The following FNDC3A variants were observed in gnomAD, a reference collection of about 807,000 sequenced individuals.
FNDC3A encodes the protein fibronectin type III domain containing 3A, also known as fibronectin type-III domain-containing protein 3A.
Under a neutral mutation model 148.9 loss-of-function variants are expected in FNDC3A, and 32 were observed. The ratio of observed to expected loss-of-function variants is 0.21; its 90% CI spans 0.16 to 0.29. FNDC3A has a LOEUF of 0.29. Ranked by LOEUF, FNDC3A falls within the 10% of genes least tolerant of loss-of-function variation. FNDC3A has a pLI of 1.00. For synonymous variants in FNDC3A, 472 were observed against 473.6 expected (o/e 1.00, Z 0.04); for missense variants, 1,191 against 1,452.8 (o/e 0.82, Z 2.93).
chr13:49,006,151 GA>G lies in FNDC3A; in HGVS notation c.-38del, dbSNP rs764449475. The G allele has an allele frequency of 1.8e-6, 2 of 1,131,278 alleles. No individual in the cohort carries two copies. The highest frequency in any genetic ancestry group is 1.3e-6 in the Non-Finnish European group (1 of 755,278). 70.1% of individuals were successfully genotyped at this position (1,131,278 alleles called of 1,614,324 possible). A position where few individuals can be genotyped will look rare whatever the true frequency, so the allele number is the denominator to read the frequency against. ...AATGACTATATATGTTTGTTTTTCA[GA>G]ATTGGAGCGTTATTCAGTATATTAA... On this transcript the variant is annotated splice_region_variant and 5_prime_UTR_variant, in exon 2 of 26. Transcript: ENST00000492622.
At position 49,208,620 on chromosome 13, in the gene FNDC3A, G is replaced by T. The variant is rs1403567709; in HGVS notation, c.*1225G>T. ...GTGAGCTTGCATTTGTGAGTTATTG[G>T]ATGATCAGACTGAATTTTGTCAAGT... On this transcript the variant is annotated 3_prime_UTR_variant, in exon 26 of 26. Coordinates refer to ENST00000492622, the MANE Select transcript of FNDC3A (RefSeq NM_001079673.2). 6.6e-6 allele frequency: 1 copy of T among 152,594 alleles called. No homozygotes were observed. The highest frequency in any genetic ancestry group is 1.5e-5 in the Non-Finnish European group (1 of 68,040). 9.5% of individuals were successfully genotyped at this position (152,594 alleles called of 1,614,324 possible). A position where few individuals can be genotyped will look rare whatever the true frequency, so the allele number is the denominator to read the frequency against.
intron 2 of FNDC3A, among the ~76,000 whole-genome samples, chr13:49,040,850 T>A (rs1440938659): frequency 4.6e-5 from 7 of 152,236 alleles, no homozygotes; most frequent in Non-Finnish European, 7.3e-5. Flanking sequence ...TTACTTGGTT[T>A]ACAGGATTTT....
intron 1 of FNDC3A, among the ~76,000 whole-genome samples, chr13:48,991,962 T>C (rs1224999254): frequency 2.0e-5 from 3 of 152,242 alleles, no homozygotes; most frequent in Non-Finnish European, 2.9e-5. Context: ...AATAAAGTGT[T>C]GAATGTCTCG....
chr13:49,205,322 T>C (rs1399259189), intron 25 of FNDC3A, among the ~76,000 whole-genome samples: 1 of 152,224 alleles, frequency 6.6e-6, no homozygotes, highest in African/African-American at 2.4e-5. Context: ...TCATCTATTA[T>C]ATCCATAAGA....
At chr13:49,106,965 G>A (rs1002883997) in intron 3 of FNDC3A, among the ~76,000 whole-genome samples, 5 of 152,034 alleles carry the variant, frequency 3.3e-5, no homozygotes, top group African/African-American at 4.8e-5. Context: ...TTTTTTTGTA[G>A]GAAATTATTT....
chr13:49,066,447 G>A (rs923917707), intron 2 of FNDC3A, among the ~76,000 whole-genome samples: 1 of 152,152 alleles, frequency 6.6e-6, no homozygotes. Flanking sequence ...GAAGATATAT[G>A]TAATAGGCTT....
At chr13:49,109,319 T>G (rs1593600449) in intron 3 of FNDC3A, among the ~76,000 whole-genome samples, 1 of 152,232 alleles carries the variant, frequency 6.6e-6, no homozygotes, top group East Asian at 1.9e-4. Flanking sequence ...GCTATGATGT[T>G]GATTAACCTT....
chr13:49,151,970 G>T (rs979234758), intron 8 of FNDC3A, among the ~76,000 whole-genome samples: 14 of 152,148 alleles, frequency 9.2e-5, no homozygotes, highest in African/African-American at 3.4e-4. Context: ...TCTTAATCCA[G>T]TCTATCATTG....
chr13:49,081,253 A>G (rs555805215), intron 3 of FNDC3A, among the ~76,000 whole-genome samples: 16 of 152,168 alleles, frequency 1.1e-4, no homozygotes, highest in Non-Finnish European at 1.5e-4. Context: ...CTTTGGTGTG[A>G]TTCCATGCCA....
intron 3 of FNDC3A, among the ~76,000 whole-genome samples, chr13:49,099,744 A>G (rs1047859533): frequency 6.6e-6 from 1 of 152,142 alleles, no homozygotes; most frequent in African/African-American, 2.4e-5. Context: ...AATATGTAAC[A>G]TTTTTATAGT....
At chr13:49,184,640 G>A (rs1885472305) in intron 14 of FNDC3A, among the ~76,000 whole-genome samples, 1 of 152,140 alleles carries the variant, frequency 6.6e-6, no homozygotes. Flanking sequence ...TATAAAATGA[G>A]GGGTTTATAT....
chr13:48,984,507 G>T (rs572983981), intron 1 of FNDC3A, among the ~76,000 whole-genome samples: 6 of 152,250 alleles, frequency 3.9e-5, no homozygotes, highest in African/African-American at 1.2e-4. Flanking sequence ...TTCAGGAGAA[G>T]ATCCATAGAT....
rs74384944 is a variant in FNDC3A at position 49,021,260 on chromosome 13, G to A, written c.99+14971G>A. Among the ~76,000 whole-genome samples the A allele has an allele frequency of 2.6e-3, 396 of 152,194 alleles. 9 individuals are homozygous for A. In the East Asian group the frequency reaches 0.041, roughly 16 times the overall value. On this transcript the variant is annotated intron_variant, in intron 2 of 25. Coordinates refer to ENST00000492622, the MANE Select transcript of FNDC3A (RefSeq NM_001079673.2). ...GCAGCTTTTCCTGTCCAAGTTTTTG[G>A]TTAGCTTCTTGTTTTCCCTATTGTT... is the stretch of plus-strand genomic sequence containing the variant.
In FNDC3A at chr13:49,166,661, C is replaced by T. The variant is rs970374030; in HGVS notation, c.978-583C>T. 3.9e-5 allele frequency among the ~76,000 whole-genome samples: 6 copies of T among 152,232 alleles called. No individual in the cohort carries two copies. The East Asian group carries it at 1.2e-3, about 29-fold the overall frequency. On this transcript the variant is annotated intron_variant, in intron 8 of 25. Transcript: ENST00000492622. ...GGTGGGAATGTGTACCACTGGGGGT[C>T]ACTTACTTACCCTTTCCCCACACTG...
Position 49,162,024 on chromosome 13 carries a change from C to T in FNDC3A, c.978-5220C>T, listed in dbSNP as rs1007151524. On this transcript the variant is annotated intron_variant, in intron 8 of 25. Coordinates refer to ENST00000492622, the MANE Select transcript of FNDC3A (RefSeq NM_001079673.2). The stretch of plus-strand genomic sequence containing the variant: ...TTTGTGGGTAACCCGACCTTTCTCT[C>T]TGGCTGCCCTTAGCATTTTTTCCTT... Among the ~76,000 whole-genome samples, 10 of 152,284 alleles carry T rather than the reference C, an allele frequency of 6.6e-5. No homozygotes were observed. The East Asian group carries it at 1.9e-3, about 29-fold the overall frequency.
intron 7 of FNDC3A, among the ~76,000 whole-genome samples, chr13:49,142,274 G>A (rs780153579): frequency 6.6e-6 from 1 of 152,078 alleles, no homozygotes; most frequent in African/African-American, 2.4e-5. Context: ...ATTTTATCAC[G>A]TTCTTCATTC....
upstream of FNDC3A, chr13:48,975,871 G>A (rs1332382401): frequency 6.6e-6 from 1 of 151,234 alleles, no homozygotes. Context: ...CGTCGGCGGG[G>A]CCCGCGCAGC....
At chr13:48,986,321 A>G (rs915668627) in intron 1 of FNDC3A, among the ~76,000 whole-genome samples, 13 of 134,060 alleles carry the variant, frequency 9.7e-5, no homozygotes, top group African/African-American at 3.3e-4. Context: ...CAAGACAGTT[A>G]ATGATAGAGG....
At chr13:49,181,496 G>A (rs1284109436) in intron 14 of FNDC3A, among the ~76,000 whole-genome samples, 3 of 151,984 alleles carry the variant, frequency 2.0e-5, no homozygotes, top group African/African-American at 7.3e-5. Context: ...CCAAAATTTG[G>A]AAACAACTGA....
Sources: gnomAD v4.1 joint callset for allele counts (sites outside exome capture counted in the v4.1 genomes callset) on GRCh38, gnomAD v4.1.1 for gene constraint, MANE v1.5 for transcripts, NCBI Gene and HGNC (gene_info 2026-07-23, HGNC 2026-07-21) for gene names.